SLC39A10: variants seen among roughly 807,000 people sequenced by gnomAD.
The protein encoded by SLC39A10 is zinc transporter ZIP10.
In SLC39A10, 13 loss-of-function variants were observed where a neutral mutation model predicts 65.1. That is an observed-to-expected ratio of 0.20 (90% CI 0.13 to 0.32). The LOEUF is 0.32. SLC39A10 is among the 10% of genes least tolerant of loss of function. SLC39A10 has a pLI of 1.00. For synonymous variants in SLC39A10, 321 were observed against 342.2 expected, an observed-to-expected ratio of 0.94 and a Z score of 0.68; for missense variants, 831 against 1,018.4, an observed-to-expected ratio of 0.82 and a Z score of 2.50.
At chr2:195,651,891 A>G (rs936522985), upstream of SLC39A10, among the ~76,000 whole-genome samples, 4 of 152,232 alleles carry the variant, frequency 2.6e-5, no homozygotes, top group East Asian at 1.9e-4. Flanking sequence ...CAATGAAAAG[A>G]GTCAAATTCT....
chr2:195,733,418 A>C (rs777631081), intron 9 of SLC39A10, among the ~76,000 whole-genome samples: 2 of 152,190 alleles, frequency 1.3e-5, no homozygotes, highest in Non-Finnish European at 2.9e-5. Flanking sequence ...TCTTCCACAA[A>C]TCTTATTTAC....
intron 3 of SLC39A10, among the ~76,000 whole-genome samples, chr2:195,696,119 C>G (rs909914153): frequency 6.6e-6 from 1 of 152,108 alleles, no homozygotes; most frequent in African/African-American, 2.4e-5. Context: ...TATTTCCAGG[C>G]TCTCTCTTCT....
intron 3 of SLC39A10, among the ~76,000 whole-genome samples, chr2:195,690,661 T>C (rs1690705222): frequency 6.6e-6 from 1 of 152,196 alleles, no homozygotes. Flanking sequence ...TGGCAATTTG[T>C]ATATCTCCTT....
At chr2:195,724,819 G>A (rs943098943) in intron 8 of SLC39A10, among the ~76,000 whole-genome samples, 2 of 152,072 alleles carry the variant, frequency 1.3e-5, no homozygotes, top group Non-Finnish European at 2.9e-5. Context: ...ATTTTATATG[G>A]AAAGGGGAAG....
intron 2 of SLC39A10, among the ~76,000 whole-genome samples, chr2:195,623,972 A>C (rs1688406188): frequency 6.6e-6 from 1 of 152,010 alleles, no homozygotes; most frequent in African/African-American, 2.4e-5. Context: ...GAAAAATTAC[A>C]TTAACGATTC....
chr2:195,728,039 A>C lies in SLC39A10; in HGVS notation c.2147-120A>C. 1.1e-6 allele frequency: 1 copy of C among 906,524 alleles called. No individual in the cohort carries two copies. The highest frequency in any genetic ancestry group is 1.6e-6 in the Non-Finnish European group (1 of 613,914). The allele number at this position is 906,524 out of a possible 1,614,324, so 56.2% of individuals were successfully genotyped here. On this transcript the variant is annotated intron_variant, in intron 8 of 9. Transcript: ENST00000359634. This position sits in a 1 kb window ranked among gnomAD's most constrained non-coding sequence, Gnocchi z 4.4. ...ATAAGTAAAATATTTTATATATCAC[A>C]TAAAATACTGTTATTAAAAGTGTGT...
chr2:195,731,767 C>T lies in SLC39A10; in HGVS notation c.2338-3116C>T, dbSNP rs184648836. On this transcript the variant is annotated intron_variant, in intron 9 of 9. Transcript: ENST00000359634. ...AGAAAGTTTTTCCATCAAAAAAATC[C>T]GAGCTGAGTCCTAAAGAATGGAGTT... is the stretch of plus-strand genomic sequence containing the variant. Among the ~76,000 whole-genome samples the T allele has an allele frequency of 6.6e-5, 10 of 152,154 alleles. No homozygotes were observed. The East Asian group carries it at 1.7e-3, about 26-fold the overall frequency.
At chr2:195,639,189 C>G (rs796727591) in intron 2 of SLC39A10, among the ~76,000 whole-genome samples, 1 of 151,984 alleles carries the variant, frequency 6.6e-6, no homozygotes, top group African/African-American at 2.4e-5. Context: ...TGGCTTCAAG[C>G]GATCCTCCCA....
At chr2:195,681,616 A>T (rs1338578952) in intron 2 of SLC39A10, among the ~76,000 whole-genome samples, 3 of 152,144 alleles carry the variant, frequency 2.0e-5, no homozygotes, top group African/African-American at 7.2e-5. Flanking sequence ...TCAAATCCAA[A>T]CGTATTTTTA....
At chr2:195,625,222 A>AAAGAAAGAAAGAAAGAAAG (rs1688443563) in intron 2 of SLC39A10, among the ~76,000 whole-genome samples, 10 of 112,206 alleles carry the variant, frequency 8.9e-5, no homozygotes, top group African/African-American at 2.8e-4. Context: ...GTCTCAAAAA[A>AAAGAAAGAAAGAAAGAAAG]AAAGAAAGAA....
intron 9 of SLC39A10, among the ~76,000 whole-genome samples, chr2:195,732,853 A>G (rs1397331295): frequency 1.2e-4 from 18 of 152,172 alleles, no homozygotes. Flanking sequence ...AAGCTGCCAT[A>G]GACAATGTGT....
intron 6 of SLC39A10, 138 bp downstream of exon 6, chr2:195,713,691 A>G: frequency 9.3e-7 from 1 of 1,078,046 alleles, no homozygotes; most frequent in Non-Finnish European, 1.3e-6. Context: ...AAAGCAGAAA[A>G]GGTGTTACCC....
intron 2 of SLC39A10, among the ~76,000 whole-genome samples, chr2:195,650,988 T>C (rs1689018301): frequency 6.6e-6 from 1 of 151,678 alleles, no homozygotes; most frequent in South Asian, 2.1e-4. Flanking sequence ...AGGATTTTGC[T>C]TGAGCCTGGG....
At chr2:195,707,810 G>C (rs969378777) in intron 4 of SLC39A10, among the ~76,000 whole-genome samples, 2 of 152,078 alleles carry the variant, frequency 1.3e-5, no homozygotes, top group East Asian at 3.9e-4. Flanking sequence ...TGAGTGGTCT[G>C]ATATCCTCTG....
chr2:195,734,476 T>G (rs1325599172), intron 9 of SLC39A10, among the ~76,000 whole-genome samples: 2 of 152,220 alleles, frequency 1.3e-5, no homozygotes, highest in Admixed American at 6.5e-5. Flanking sequence ...AATCTTGCTT[T>G]CTTATTGAGT....
chr2:195,656,441 T>C (rs1394605834), upstream of SLC39A10, among the ~76,000 whole-genome samples: 2 of 151,856 alleles, frequency 1.3e-5, no homozygotes, highest in Non-Finnish European at 1.5e-5. Flanking sequence ...TGTCATAGAG[T>C]GTTAAGAAAT....
intron 2 of SLC39A10, among the ~76,000 whole-genome samples, chr2:195,616,195 T>C (rs1688203179): frequency 6.6e-6 from 1 of 152,164 alleles, no homozygotes; most frequent in African/African-American, 2.4e-5. Flanking sequence ...CCTCATGTGA[T>C]CTGCCTGCCT....
chr2:195,690,466 C>T (rs1690695218), intron 3 of SLC39A10, among the ~76,000 whole-genome samples: 1 of 152,128 alleles, frequency 6.6e-6, no homozygotes, highest in Non-Finnish European at 1.5e-5. Context: ...TACTATTTTC[C>T]ATAATGGCTG....
At chr2:195,616,245 G>C (rs1399537007) in intron 2 of SLC39A10, among the ~76,000 whole-genome samples, 1 of 152,170 alleles carries the variant, frequency 6.6e-6, no homozygotes, top group African/African-American at 2.4e-5. Context: ...GTGAGCCACC[G>C]TGCCCAGCCA....
Sources: gnomAD v4.1 joint callset for allele counts (sites outside exome capture counted in the v4.1 genomes callset) on GRCh38, gnomAD v4.1.1 for gene constraint, Gnocchi (gnomAD v3.1) non-coding constraint, MANE v1.5 for transcripts, NCBI Gene and HGNC (gene_info 2026-07-23, HGNC 2026-07-21) for gene names.